LCN1: variants seen among roughly 807,000 people sequenced by gnomAD.
The protein encoded by LCN1 is lipocalin 1, also known as lipocalin-1.
In LCN1, 25 loss-of-function variants were observed where a neutral mutation model predicts 22.3. The observed-to-expected ratio is 1.12, with a 90% CI of 0.82 to 1.56. The LOEUF is 1.56. LCN1 is among the 40% of genes most tolerant of loss of function. LCN1 has a pLI of 0.00. For synonymous variants in LCN1, 85 were observed against 97.6 expected, an observed-to-expected ratio of 0.87 and a Z score of 0.76; for missense variants, 219 against 235.6, an observed-to-expected ratio of 0.93 and a Z score of 0.46.
chr9:135,524,179 G>A (rs1409672046), intron 4 of LCN1, among the ~76,000 whole-genome samples, 189 bp downstream of exon 4: 2 of 152,264 alleles, frequency 1.3e-5, no homozygotes, highest in East Asian at 1.9e-4. Context: ...GGGATGCCCC[G>A]GCCTCGGTAT....
intron 2 of LCN1, among the ~76,000 whole-genome samples, chr9:135,522,629 G>A (rs1831528482): frequency 6.6e-6 from 1 of 152,208 alleles, no homozygotes; most frequent in African/African-American, 2.4e-5. Flanking sequence ...GCTCACCTGT[G>A]CGGCTCTCAC....
At chr9:135,523,357 G>A (rs1831548483) in intron 3 of LCN1, 55 bp downstream of exon 3, 1 of 1,520,664 alleles carries the variant, frequency 6.6e-7, no homozygotes, top group Non-Finnish European at 8.9e-7. Context: ...TGGATGTGCG[G>A]GGGCAGCCAG....
Position 135,524,936 on chromosome 9 carries a change from G to T in LCN1, c.505+5G>T. On this transcript the variant is annotated splice_donor_5th_base_variant and intron_variant, in intron 5 of 6. Transcript: ENST00000371781. The stretch of plus-strand genomic sequence containing the variant: ...TCCTCATCCCCAGGCAGAGCGGTAG[G>T]AGGCATGGCCCTGCAGAGCCCCCCA... 1.2e-6 allele frequency: 2 copies of T among 1,603,724 alleles called. No homozygotes were observed. The highest frequency in any genetic ancestry group is 1.7e-6 in the Non-Finnish European group (2 of 1,175,060).
In LCN1 at chr9:135,525,157, G is replaced by C. The variant is rs763012297; in HGVS notation, c.531G>C (p.Ter177TyrextTer66). The change falls in exon 6 of 7, where the codon TAG (stop) becomes TAC (tyrosine). Residue 177 changes from the stop codon to tyrosine (Y), a stop_lost and splice_region_variant. Coordinates refer to ENST00000371781, the MANE Select transcript of LCN1 (RefSeq NM_002297.4). ...QSETCSPGSD[*>Y] ...AAACCTGCTCTCCAGGGAGCGATTA[G>C]GGTGAGTGAACAGCTTTAGAGGACA... 1.9e-6 allele frequency: 3 copies of C among 1,613,526 alleles called. No individual in the cohort carries two copies. The highest frequency in any genetic ancestry group is 1.1e-5 in the South Asian group (1 of 90,966).
intron 1 of LCN1, among the ~76,000 whole-genome samples, 170 bp from the exon 2 acceptor site, chr9:135,521,877 C>T (rs1831503977): frequency 1.3e-5 from 2 of 151,838 alleles, no homozygotes; most frequent in Admixed American, 1.3e-4. Flanking sequence ...GCTGGAGCCA[C>T]CTTCAAGTGG....
At chr9:135,523,077 C>T (rs1331639273) in intron 2 of LCN1, among the ~76,000 whole-genome samples, 155 bp from the exon 3 acceptor site, 2 of 152,158 alleles carry the variant, frequency 1.3e-5, no homozygotes, top group East Asian at 1.9e-4. Flanking sequence ...CCGGAGGGGC[C>T]GCTGGTGCCT....
intron 3 of LCN1, 120 bp from the exon 4 acceptor site, chr9:135,523,760 G>A (rs1396189799): frequency 2.8e-5 from 22 of 790,484 alleles, no homozygotes; most frequent in Non-Finnish European, 4.4e-5. Flanking sequence ...AGGGAGCTCT[G>A]GGAGGCTGGG....
chr9:135,523,354 GC>G (rs1440603775), intron 3 of LCN1, 52 bp downstream of exon 3: 5 of 1,552,024 alleles, frequency 3.2e-6, no homozygotes, highest in Non-Finnish European at 4.4e-6. Context: ...CGCTGGATGT[GC>G]GGGGGCAGCC....
At position 135,522,174 on chromosome 9, in the gene LCN1, T is replaced by C. The variant is rs1019068094; in HGVS notation, c.218T>C (p.Met73Thr). 2 of 1,605,468 alleles carry C rather than the reference T, an allele frequency of 1.2e-6. No homozygotes were observed. Among genetic ancestry groups the C allele is most frequent in the Non-Finnish European group, 1.7e-6 (2 of 1,176,108 alleles). The change falls in exon 2 of 7, where the codon ATG (methionine) becomes ACG (threonine). Residue 73 changes from methionine (M) to threonine (T), a missense_variant. Met to Thr is a moderately conservative substitution (Grantham distance 81). Transcript: ENST00000371781. Reference sequence around the variant, plus strand: ...GGCAACCTGGAAGCCAAGGTCACCATGCTGTGAGTGTCTGCCAGCCGGCCG... The same window carrying C: ...GGCAACCTGGAAGCCAAGGTCACCACGCTGTGAGTGTCTGCCAGCCGGCCG... ...EGGNLEAKVT[M>T]LISGRCQEVK...
chr9:135,521,442 C>G lies in LCN1; in HGVS notation c.-56C>G. The G allele has an allele frequency of 4.1e-6, 6 of 1,472,926 alleles. No homozygotes were observed. Among genetic ancestry groups the G allele is most frequent in the Non-Finnish European group, 2.8e-6 (3 of 1,059,022 alleles). 91.2% of individuals were successfully genotyped at this position (1,472,926 alleles called of 1,614,324 possible). On this transcript the variant is annotated 5_prime_UTR_variant, in exon 1 of 7. Transcript: ENST00000371781. Reference sequence around the variant, plus strand: ...GGCGGCTGTGGGAGGACTGGTACAGCCTCTCCCAGCCCCAGCAAGCGACCT... The same window carrying G: ...GGCGGCTGTGGGAGGACTGGTACAGGCTCTCCCAGCCCCAGCAAGCGACCT...
In LCN1 at chr9:135,526,536, A is replaced by G. The variant is rs183086350; in HGVS notation, c.*194A>G. 4.1e-5 allele frequency: 49 copies of G among 1,209,628 alleles called. No homozygotes were observed. The highest frequency in any genetic ancestry group is 2.6e-4 in the Admixed American group (10 of 38,956). The allele number at this position is 1,209,628 out of a possible 1,614,324, so 74.9% of individuals were successfully genotyped here. A position where few individuals can be genotyped will look rare whatever the true frequency, so the allele number is the denominator to read the frequency against. On this transcript the variant is annotated 3_prime_UTR_variant, in exon 7 of 7. Transcript: ENST00000371781. ...TCCATAAAGAGCTTCAGCAGTTCCC[A>G]GTGACTCCGCCTGTCTGTGGGGTCC...
chr9:135,523,680 G>A (rs2118951854), intron 3 of LCN1, among the ~76,000 whole-genome samples, 200 bp from the exon 4 acceptor site: 1 of 152,298 alleles, frequency 6.6e-6, no homozygotes, highest in South Asian at 2.1e-4. Flanking sequence ...GCCGCCTCTT[G>A]GGTACATCAG....
intron 3 of LCN1, among the ~76,000 whole-genome samples, 195 bp from the exon 4 acceptor site, chr9:135,523,685 C>T (rs1564229637): frequency 1.3e-5 from 2 of 152,198 alleles, no homozygotes; most frequent in Admixed American, 6.5e-5. Flanking sequence ...CTCTTGGGTA[C>T]ATCAGGTTCC....
chr9:135,521,765 C>T (rs1303232955), intron 1 of LCN1, among the ~76,000 whole-genome samples, 178 bp downstream of exon 1: 2 of 146,566 alleles, frequency 1.4e-5, no homozygotes, highest in East Asian at 2.2e-4. Context: ...GGGTAGGTGG[C>T]GCAGGGGTGC....
intron 3 of LCN1, 151 bp downstream of exon 3, chr9:135,523,453 C>A: frequency 1.5e-6 from 1 of 684,228 alleles, no homozygotes; most frequent in Non-Finnish European, 2.5e-6. Flanking sequence ...TCCCACTGGT[C>A]AATTTGCATT....
rs147117257 is a variant in LCN1, at chr9:135,523,968, G to C, written c.381G>C (p.Pro127=). The change falls in exon 4 of 7, where the codon CCG becomes CCC. Residue 127 remains proline, a synonymous_variant. Coordinates refer to ENST00000371781, the MANE Select transcript of LCN1 (RefSeq NM_002297.4). ...FYCEGELHGK[P]VRGVKLVGRD... ...GTGAGGGCGAGCTGCACGGGAAGCC[G>C]GTCCGAGGGGTGAAGCTCGTGGGTG... is the stretch of plus-strand genomic sequence containing the variant. 1 of 1,613,944 alleles carries C rather than the reference G, an allele frequency of 6.2e-7. No individual in the cohort carries two copies. Among genetic ancestry groups the C allele is most frequent in the Non-Finnish European group, 8.5e-7 (1 of 1,179,894 alleles).
Position 135,524,933 on chromosome 9 carries a change from T to TA in LCN1, c.505+3dup. The TA allele has an allele frequency of 6.2e-7, 1 of 1,604,626 alleles. No homozygotes were observed. Among genetic ancestry groups the TA allele is most frequent in the South Asian group, 1.1e-5 (1 of 89,858 alleles). ...GCATCCTCATCCCCAGGCAGAGCGGTAGGAGGCATGGCCCTGCAGAGCCCC... is the reference window on the plus strand; with the variant it reads ...GCATCCTCATCCCCAGGCAGAGCGGTAAGGAGGCATGGCCCTGCAGAGCCCC... On this transcript the variant is annotated splice_region_variant and intron_variant, in intron 5 of 6. Coordinates refer to ENST00000371781, the MANE Select transcript of LCN1 (RefSeq NM_002297.4).
Position 135,526,392 on chromosome 9 carries a change from G to C in LCN1, c.*50G>C. On this transcript the variant is annotated 3_prime_UTR_variant, in exon 7 of 7. Coordinates refer to ENST00000371781, the MANE Select transcript of LCN1 (RefSeq NM_002297.4). ...AGCAGCCCAAGGACGGCACCATCCAGCACCTCCGTCATTCACAGGGACATG... is the reference window on the plus strand; with the variant it reads ...AGCAGCCCAAGGACGGCACCATCCACCACCTCCGTCATTCACAGGGACATG... The C allele has an allele frequency of 7.8e-7, 1 of 1,282,420 alleles. No homozygotes were observed. 79.4% of individuals were successfully genotyped at this position (1,282,420 alleles called of 1,614,324 possible).
At chr9:135,522,404 C>T (rs1358250093) in intron 2 of LCN1, among the ~76,000 whole-genome samples, 1 of 152,204 alleles carries the variant, frequency 6.6e-6, no homozygotes, top group Non-Finnish European at 1.5e-5. Context: ...CCAGTGGCAG[C>T]CCTGGGTACC....
Sources: allele counts gnomAD v4.1 joint callset (sites outside exome capture counted in the v4.1 genomes callset), GRCh38; gene constraint gnomAD v4.1.1; transcripts MANE v1.5; gene names NCBI Gene and HGNC (gene_info 2026-07-23, HGNC 2026-07-21).